Variants in FRAS1 observed in about 807,000 individuals in gnomAD.
FRAS1 encodes extracellular matrix organizing protein FRAS1.
In FRAS1, 290 loss-of-function variants were observed where a neutral mutation model predicts 435.2. The observed-to-expected ratio is 0.67, with a 90% CI of 0.61 to 0.73. The LOEUF (loss-of-function observed/expected upper bound fraction) is 0.73. Ranked by LOEUF, FRAS1 falls within the 30% of genes least tolerant of loss-of-function variation. The pLI is 0.00. For synonymous variants in FRAS1, 1,800 were observed against 1,851.0 expected, an observed-to-expected ratio of 0.97 and a Z score of 0.71; for missense variants, 4,860 against 5,001.5, an observed-to-expected ratio of 0.97 and a Z score of 0.85.
chr4:78,518,514 C>T (rs1721290193), intron 66 of FRAS1, among the ~76,000 whole-genome samples: 1 of 149,710 alleles, frequency 6.7e-6, no homozygotes, highest in African/African-American at 2.5e-5. Flanking sequence ...TGTGAACTAA[C>T]TCCCCATTCA....
Position 78,256,857 on chromosome 4 carries a change from A to G in FRAS1, c.603+1482A>G, listed in dbSNP as rs539161869. 2.0e-5 allele frequency among the ~76,000 whole-genome samples: 3 copies of G among 149,328 alleles called. No homozygotes were observed. The South Asian group carries it at 6.2e-4, about 31-fold the overall frequency. ...AAAAAACTCAACTGTGAGATCATTT[A>G]GAACCATTTTTCTTGATTTATTATC... is the stretch of plus-strand genomic sequence containing the variant. On this transcript the variant is annotated intron_variant, in intron 6 of 73. Transcript: ENST00000512123.
intron 1 of FRAS1, among the ~76,000 whole-genome samples, chr4:78,062,103 T>C (rs745544367): frequency 1.3e-5 from 2 of 152,214 alleles, no homozygotes; most frequent in Non-Finnish European, 2.9e-5. Flanking sequence ...GCCATCCGTA[T>C]TCACTGTTAT....
chr4:78,267,149 A>G, intron 8 of FRAS1, 92 bp from the exon 9 acceptor site: 2 of 1,286,336 alleles, frequency 1.6e-6, no homozygotes, highest in African/African-American at 1.5e-5. Context: ...AGCCATGTAG[A>G]GCTTTGGTAT....
At chr4:78,272,421 G>C (rs370087734) in intron 9 of FRAS1, among the ~76,000 whole-genome samples, 2 of 152,042 alleles carry the variant, frequency 1.3e-5, no homozygotes, top group Admixed American at 6.6e-5. Flanking sequence ...CCTAGGTTTT[G>C]TTCTAGGATT....
chr4:78,291,847 G>C (rs1727912250), intron 14 of FRAS1, among the ~76,000 whole-genome samples: 1 of 152,152 alleles, frequency 6.6e-6, no homozygotes, highest in South Asian at 2.1e-4. Context: ...CAGATTTTGA[G>C]ACGTAAAGAA....
intron 18 of FRAS1, among the ~76,000 whole-genome samples, chr4:78,329,985 C>A (rs929934408): frequency 6.6e-6 from 1 of 152,080 alleles, no homozygotes; most frequent in Non-Finnish European, 1.5e-5. Flanking sequence ...TCAAAGAATC[C>A]TGTGTCAAAA....
intron 3 of FRAS1, among the ~76,000 whole-genome samples, chr4:78,237,832 ATTGGGCAT>A (rs1560596336): frequency 6.6e-6 from 1 of 152,206 alleles, no homozygotes; most frequent in Non-Finnish European, 1.5e-5. Flanking sequence ...ATTTCCATTT[ATTGGGCAT>A]TTACTCTGGA....
chr4:78,368,049 A>G (rs1004559663), intron 22 of FRAS1, among the ~76,000 whole-genome samples: 1 of 152,238 alleles, frequency 6.6e-6, no homozygotes, highest in Non-Finnish European at 1.5e-5. Context: ...TACAACTAGT[A>G]GGTCTCACTT....
intron 20 of FRAS1, among the ~76,000 whole-genome samples, chr4:78,347,784 TGTG>T (rs1361143473): frequency 3.4e-5 from 3 of 87,250 alleles, no homozygotes; most frequent in South Asian, 6.0e-4. Context: ...CGTGTGTGTG[TGTG>T]TTTTTTTTTT....
chr4:78,453,805 AAG>A (rs1401745828), intron 47 of FRAS1, among the ~76,000 whole-genome samples: 5 of 142,092 alleles, frequency 3.5e-5, no homozygotes, highest in African/African-American at 1.3e-4. Context: ...TCAAAAAAAA[AAG>A]ACAATCTAAA....
At chr4:78,272,786 G>A (rs1306295404) in intron 9 of FRAS1, among the ~76,000 whole-genome samples, 1 of 152,162 alleles carries the variant, frequency 6.6e-6, no homozygotes, top group East Asian at 1.9e-4. Flanking sequence ...GATTGACTTG[G>A]CAATGCAGGC....
intron 20 of FRAS1, among the ~76,000 whole-genome samples, chr4:78,344,454 T>C (rs1730520879): frequency 7.3e-6 from 1 of 136,844 alleles, no homozygotes; most frequent in Non-Finnish European, 1.5e-5. Flanking sequence ...ATCCGAGATT[T>C]GAACCCAGAG....
Position 78,486,681 on chromosome 4 carries a change from C to T in FRAS1, c.8753-2194C>T, listed in dbSNP as rs189721773. Among the ~76,000 whole-genome samples, 153 of 152,176 alleles carry T rather than the reference C, an allele frequency of 1.0e-3. 4 individuals are homozygous for T. In the South Asian group the frequency reaches 0.011, roughly 11 times the overall value. On this transcript the variant is annotated intron_variant, in intron 58 of 73. Transcript: ENST00000512123. ...AATGCCTGACTTACAACATAAATCC[C>T]CTGTGCTAAATCTCTTCCTGAAACT...
intron 2 of FRAS1, among the ~76,000 whole-genome samples, chr4:78,067,705 A>ATTG (rs1488978476): frequency 1.5e-5 from 2 of 134,750 alleles, no homozygotes; most frequent in East Asian, 2.2e-4. Context: ...TATTATTATT[A>ATTG]TTATTATTTG....
In FRAS1 at chr4:78,369,931, A is replaced by AC. The variant is rs1348120323; in HGVS notation, c.2817dup (p.Glu940ArgfsTer10). Reference sequence around the variant, plus strand: ...GTTCTGCTCTTTGGGGAATGTCAATACGAGAGCTGCGCCCCACAGTACTAT... The same window carrying AC: ...GTTCTGCTCTTTGGGGAATGTCAATACCGAGAGCTGCGCCCCACAGTACTAT... On this transcript the variant is annotated frameshift_variant, in exon 23 of 74. Coordinates refer to ENST00000512123, the MANE Select transcript of FRAS1 (RefSeq NM_025074.7). LOFTEE classifies it high-confidence loss of function. The AC allele has an allele frequency of 6.2e-7, 1 of 1,613,860 alleles. No individual in the cohort carries two copies. The highest frequency in any genetic ancestry group is 1.1e-5 in the South Asian group (1 of 91,052).
intron 3 of FRAS1, among the ~76,000 whole-genome samples, chr4:78,240,480 G>A (rs908070350): frequency 6.6e-6 from 1 of 152,132 alleles, no homozygotes; most frequent in African/African-American, 2.4e-5. Flanking sequence ...ATGACTAGTT[G>A]GTTAGCTGAG....
chr4:78,436,577 G>A (rs1322907323), intron 38 of FRAS1, among the ~76,000 whole-genome samples: 6 of 152,118 alleles, frequency 3.9e-5, no homozygotes, highest in Non-Finnish European at 1.5e-5. Flanking sequence ...CCCACCACAA[G>A]ATAGGATAAC....
At chr4:78,388,910 A>C (rs993315218) in intron 29 of FRAS1, among the ~76,000 whole-genome samples, 1 of 152,202 alleles carries the variant, frequency 6.6e-6, no homozygotes, top group East Asian at 1.9e-4. Flanking sequence ...TTATTTACTT[A>C]ATATTTTTCT....
chr4:78,209,800 A>G (rs1412805148), intron 2 of FRAS1, among the ~76,000 whole-genome samples: 2 of 152,164 alleles, frequency 1.3e-5, no homozygotes, highest in Non-Finnish European at 2.9e-5. Context: ...CTCTTAATTA[A>G]AAGGAGTATT....
Sources: gnomAD v4.1 joint callset for allele counts (sites outside exome capture counted in the v4.1 genomes callset) on GRCh38, gnomAD v4.1.1 for gene constraint, MANE v1.5 for transcripts, NCBI Gene and HGNC (gene_info 2026-07-23, HGNC 2026-07-21) for gene names.